The following IMMP2L variants were observed in gnomAD, a reference collection of about 807,000 sequenced individuals.
IMMP2L encodes the protein inner mitochondrial membrane peptidase subunit 2, also known as mitochondrial inner membrane protease subunit 2.
Under a neutral mutation model 19.3 loss-of-function variants are expected in IMMP2L, and 18 were observed. That is an observed-to-expected ratio of 0.93 (90% CI 0.64 to 1.38). IMMP2L has a LOEUF of 1.38. IMMP2L is among the 40% of genes most tolerant of loss of function. IMMP2L has a pLI of 0.00. For missense variants in IMMP2L, 233 were observed against 218.2 expected, an observed-to-expected ratio of 1.07 and a Z score of -0.43; for synonymous variants, 76 against 73.0, an observed-to-expected ratio of 1.04 and a Z score of -0.21.
At chr7:111,515,634 GT>G (rs1321875366) in intron 2 of IMMP2L, among the ~76,000 whole-genome samples, 1 of 151,994 alleles carries the variant, frequency 6.6e-6, no homozygotes, top group African/African-American at 2.4e-5. Flanking sequence ...AGTTTTTAAT[GT>G]TTTGTTTTTA....
chr7:111,083,979 T>C (rs1180881271), intron 3 of IMMP2L, among the ~76,000 whole-genome samples: 2 of 151,958 alleles, frequency 1.3e-5, no homozygotes, highest in African/African-American at 4.8e-5. Context: ...AACTGAGGAA[T>C]GAAGAGTGAA....
chr7:110,860,191 T>C (rs1005179700), intron 5 of IMMP2L, among the ~76,000 whole-genome samples: 72 of 152,098 alleles, frequency 4.7e-4, no homozygotes, highest in African/African-American at 1.2e-3. Context: ...AGAAACTGAA[T>C]TGGAAAAAAG....
intron 5 of IMMP2L, among the ~76,000 whole-genome samples, chr7:110,851,912 C>A (rs1344715048): frequency 2.0e-5 from 3 of 152,144 alleles, no homozygotes; most frequent in South Asian, 4.1e-4. Context: ...TTCTATTTCT[C>A]TTCTAAGAGC....
intron 4 of IMMP2L, among the ~76,000 whole-genome samples, chr7:110,950,875 T>C (rs1055732595): frequency 6.9e-6 from 1 of 144,930 alleles, no homozygotes; most frequent in African/African-American, 2.6e-5. Flanking sequence ...TATATATGTA[T>C]ATATATGCAC....
At chr7:111,431,092 G>A (rs560808439) in intron 3 of IMMP2L, among the ~76,000 whole-genome samples, 1 of 151,830 alleles carries the variant, frequency 6.6e-6, no homozygotes, top group South Asian at 2.1e-4. Flanking sequence ...AGGCAAAAGA[G>A]TGAGACTCTG....
intron 3 of IMMP2L, among the ~76,000 whole-genome samples, chr7:110,969,481 C>T (rs987587082): frequency 2.0e-5 from 3 of 151,952 alleles, no homozygotes; most frequent in African/African-American, 7.3e-5. Flanking sequence ...CTAACAATCA[C>T]TTTTGTCCTG....
intron 5 of IMMP2L, among the ~76,000 whole-genome samples, chr7:110,730,046 A>G (rs776020778): frequency 6.6e-6 from 1 of 152,168 alleles, no homozygotes; most frequent in Non-Finnish European, 1.5e-5. Context: ...TTAATTTCAA[A>G]AAGATTAAAC....
intron 5 of IMMP2L, among the ~76,000 whole-genome samples, chr7:110,804,930 T>TTTTGTTTCATTTTG (rs1801521744): frequency 1.3e-5 from 2 of 152,070 alleles, no homozygotes. Flanking sequence ...GTTTCAGCGC[T>TTTTGTTTCATTTTG]TTACATTAGC....
chr7:111,124,013 A>C, intron 3 of IMMP2L: 1 of 1,614,100 alleles, frequency 6.2e-7, no homozygotes, highest in East Asian at 2.2e-5. Flanking sequence ...CATTTCAGGG[A>C]CATGATGGAA....
chr7:110,730,225 A>G (rs572173840), intron 5 of IMMP2L, among the ~76,000 whole-genome samples: 71 of 152,270 alleles, frequency 4.7e-4, no homozygotes, highest in Non-Finnish European at 8.8e-4. Context: ...GACTGGGAGA[A>G]GAAGACCCAC....
chr7:110,804,418 G>A (rs1281278147), intron 5 of IMMP2L, among the ~76,000 whole-genome samples: 1 of 151,958 alleles, frequency 6.6e-6, no homozygotes, highest in Non-Finnish European at 1.5e-5. Context: ...AGTCTTTGGA[G>A]TCTAAAAGAG....
At chr7:110,714,608 G>T (rs922512016) in intron 5 of IMMP2L, among the ~76,000 whole-genome samples, 1 of 152,044 alleles carries the variant, frequency 6.6e-6, no homozygotes, top group Non-Finnish European at 1.5e-5. Context: ...TTGTTTGCTT[G>T]TTTGTTTAGG....
At chr7:110,984,116 C>A (rs575647604) in intron 3 of IMMP2L, among the ~76,000 whole-genome samples, 1 of 151,858 alleles carries the variant, frequency 6.6e-6, no homozygotes, top group African/African-American at 2.4e-5. Flanking sequence ...TACTGTTTAA[C>A]GGAGAACATG....
chr7:111,509,494 C>T (rs1845248029), intron 2 of IMMP2L, among the ~76,000 whole-genome samples: 1 of 152,084 alleles, frequency 6.6e-6, no homozygotes, highest in African/African-American at 2.4e-5. Flanking sequence ...TTGTAAGCTT[C>T]CCTCCAGCAA....
At chr7:111,359,852 G>A (rs1171815805) in intron 3 of IMMP2L, among the ~76,000 whole-genome samples, 11 of 152,128 alleles carry the variant, frequency 7.2e-5, no homozygotes, top group Admixed American at 6.6e-4. Flanking sequence ...GAAGTAGGTG[G>A]AGGGAGGGTG....
chr7:111,093,399 C>T (rs1002073051), intron 3 of IMMP2L, among the ~76,000 whole-genome samples: 1 of 152,148 alleles, frequency 6.6e-6, no homozygotes, highest in African/African-American at 2.4e-5. Context: ...TGAGGTACCT[C>T]CTAAGTTCCT....
At chr7:110,968,017 C>G (rs570718888) in intron 3 of IMMP2L, among the ~76,000 whole-genome samples, 9 of 152,090 alleles carry the variant, frequency 5.9e-5, no homozygotes, top group Admixed American at 3.9e-4. Context: ...CTCTATTACC[C>G]AAATTTTCCA....
chr7:111,541,476 C>T (rs1402422490), intron 1 of IMMP2L, among the ~76,000 whole-genome samples: 1 of 152,244 alleles, frequency 6.6e-6, no homozygotes, highest in Non-Finnish European at 1.5e-5. Context: ...CAAATAAGCA[C>T]CAATAATAGT....
chr7:111,538,136 C>CT (rs1215612391), intron 1 of IMMP2L, among the ~76,000 whole-genome samples: 5 of 152,236 alleles, frequency 3.3e-5, no homozygotes, highest in Admixed American at 2.0e-4. Flanking sequence ...ATCCTTACCC[C>CT]TAATCAGTTG....
Sources: allele counts gnomAD v4.1 joint callset (sites outside exome capture counted in the v4.1 genomes callset), GRCh38; gene constraint gnomAD v4.1.1; transcripts MANE v1.5; gene names NCBI Gene and HGNC (gene_info 2026-07-23, HGNC 2026-07-21).